The following NTRK3 variants were observed in gnomAD, a reference collection of about 807,000 sequenced individuals.
NTRK3 encodes neurotrophic receptor tyrosine kinase 3.
In NTRK3, 24 loss-of-function variants were observed where a neutral mutation model predicts 91.7. That is an observed-to-expected ratio of 0.26 (90% CI 0.19 to 0.37). The LOEUF (loss-of-function observed/expected upper bound fraction) is 0.37. NTRK3 is among the 10% of genes least tolerant of loss of function. The pLI, the probability that NTRK3 is intolerant of heterozygous loss-of-function variation, is 1.00. For missense variants in NTRK3, 880 were observed against 1,068.9 expected, an observed-to-expected ratio of 0.82 and a Z score of 2.46; for synonymous variants, 483 against 404.0, an observed-to-expected ratio of 1.20 and a Z score of -2.34.
intron 18 of NTRK3, 109 bp from the exon 20 acceptor site, chr15:87,877,229 C>A (rs369207940): frequency 1.7e-6 from 2 of 1,158,722 alleles, no homozygotes; most frequent in East Asian, 2.5e-5. Flanking sequence ...TATGCAGAGC[C>A]GAGGCTCTCA....
intron 13 of NTRK3, among the ~76,000 whole-genome samples, chr15:88,101,854 CA>C (rs1255730073): frequency 1.3e-5 from 2 of 151,924 alleles, no homozygotes; most frequent in East Asian, 3.9e-4. Flanking sequence ...CATCACACAC[CA>C]GGGACTGTTG....
exon 10 of NTRK3, chr15:88,135,396 A>G (rs377521978): frequency 1.4e-5 from 22 of 1,613,228 alleles, no homozygotes; most frequent in African/African-American, 2.7e-5. Context: ...CACGTGGGGG[A>G]TCTGTCAAGG....
At chr15:88,010,965 G>A (rs2076837996) in intron 14 of NTRK3, among the ~76,000 whole-genome samples, 1 of 151,914 alleles carries the variant, frequency 6.6e-6, no homozygotes, top group Non-Finnish European at 1.5e-5. Context: ...TTCAGTTCAG[G>A]GTTTTGCCGT....
intron 13 of NTRK3, among the ~76,000 whole-genome samples, chr15:88,042,392 T>G (rs760306229): frequency 5.9e-5 from 9 of 152,206 alleles, no homozygotes; most frequent in Non-Finnish European, 1.3e-4. Context: ...CTTCTGTTCC[T>G]AGACTTGTTC....
intron 3 of NTRK3, among the ~76,000 whole-genome samples, chr15:88,217,088 G>C (rs1178434273): frequency 6.6e-6 from 1 of 152,096 alleles, no homozygotes; most frequent in African/African-American, 2.4e-5. Flanking sequence ...ATAACCACTA[G>C]GGTGGACACT....
At chr15:87,964,701 T>G (rs1273904400) in intron 14 of NTRK3, among the ~76,000 whole-genome samples, 5 of 152,182 alleles carry the variant, frequency 3.3e-5, no homozygotes, top group East Asian at 1.9e-4. Flanking sequence ...TCTCTCCGTA[T>G]TTGCCTCTTC....
At chr15:87,865,236 G>A (rs2064635828) in exon 19 of NTRK3, 1 of 206,588 alleles carries the variant, frequency 4.8e-6, no homozygotes, top group Non-Finnish European at 9.9e-6. Context: ...AGTGATTGTT[G>A]CTTGGAGATC....
exon 16 of NTRK3, chr15:87,933,031 C>T (rs2068945773): frequency 6.2e-7 from 1 of 1,613,992 alleles, no homozygotes; most frequent in Non-Finnish European, 8.5e-7. Context: ...TTATTCAGGT[C>T]TCCATGCTTC....
At chr15:88,248,177 G>A (rs988765701) in intron 3 of NTRK3, among the ~76,000 whole-genome samples, 1 of 152,190 alleles carries the variant, frequency 6.6e-6, no homozygotes, top group Non-Finnish European at 1.5e-5. Flanking sequence ...CACCTGTTCT[G>A]CTGCGGGCTG....
chr15:87,865,771 G>T, exon 19 of NTRK3: 2 of 227,206 alleles, frequency 8.8e-6, no homozygotes, highest in Non-Finnish European at 1.8e-5. Context: ...TTCCAAGCCT[G>T]AAAACAAACT....
At chr15:87,998,719 A>C (rs1051722735) in intron 14 of NTRK3, among the ~76,000 whole-genome samples, 1 of 152,184 alleles carries the variant, frequency 6.6e-6, no homozygotes. Context: ...CCATTATGCC[A>C]ACCAAGAGCA....
chr15:88,127,680 T>C (rs2053435345), intron 11 of NTRK3, among the ~76,000 whole-genome samples: 1 of 152,206 alleles, frequency 6.6e-6, no homozygotes, highest in Non-Finnish European at 1.5e-5. Flanking sequence ...GCCTTTCCTG[T>C]GCCCTCCCTC....
At chr15:88,223,371 C>T (rs4887390) in intron 3 of NTRK3, among the ~76,000 whole-genome samples, 117,273 of 152,220 alleles carry the variant, frequency 0.77, 47,462 homozygotes, top group East Asian at 0.96. Flanking sequence ...CCCTTCCTCC[C>T]CAGAGCCCCT....
At chr15:88,104,899 CA>C (rs2050540488) in intron 13 of NTRK3, among the ~76,000 whole-genome samples, 1 of 152,236 alleles carries the variant, frequency 6.6e-6, no homozygotes, top group East Asian at 1.9e-4. Context: ...GTTTAGAAGA[CA>C]GAGCACCCTT....
At chr15:88,081,726 G>T (rs1008852910) in intron 13 of NTRK3, among the ~76,000 whole-genome samples, 2 of 152,204 alleles carry the variant, frequency 1.3e-5, no homozygotes. Flanking sequence ...AAATGGGGCT[G>T]AAGTACCTGA....
intron 13 of NTRK3, among the ~76,000 whole-genome samples, chr15:88,119,073 G>A (rs976614804): frequency 6.6e-6 from 1 of 152,214 alleles, no homozygotes; most frequent in Non-Finnish European, 1.5e-5. Context: ...GAGAGTCGAT[G>A]CAAGGGAACA....
intron 14 of NTRK3, among the ~76,000 whole-genome samples, chr15:88,001,524 T>C (rs1352479066): frequency 6.6e-6 from 1 of 152,168 alleles, no homozygotes; most frequent in East Asian, 1.9e-4. Flanking sequence ...ATATGGTATG[T>C]GGTAGGGGTT....
At chr15:88,219,893 G>C (rs989890356) in intron 3 of NTRK3, among the ~76,000 whole-genome samples, 2 of 152,130 alleles carry the variant, frequency 1.3e-5, no homozygotes, top group African/African-American at 4.8e-5. Flanking sequence ...CTGCAAAATG[G>C]CTTGCCCAAG....
At position 87,925,441 on chromosome 15, in the gene NTRK3, G is replaced by GCACACACACACACACACA. The variant is rs61582719; in HGVS notation, c.2133+3732_2133+3749dup. ...ACTGGGCAGGCAAGCACACGTGTATGCACACACACACACACACACACACAC... is the reference window on the plus strand; with the variant it reads ...ACTGGGCAGGCAAGCACACGTGTATGCACACACACACACACACACACACACACACACACACACACACAC... On this transcript the variant is annotated intron_variant, in intron 17 of 18. Coordinates refer to ENST00000394480, the Ensembl canonical transcript of NTRK3. 1,481 of 181,006 alleles carry GCACACACACACACACACA rather than the reference G, an allele frequency of 8.2e-3. 12 individuals are homozygous for GCACACACACACACACACA. The highest frequency in any genetic ancestry group is 0.024 in the African/African-American group (993 of 41,304). 11.2% of individuals were successfully genotyped at this position (181,006 alleles called of 1,614,324 possible).
Sources: allele counts gnomAD v4.1 joint callset (sites outside exome capture counted in the v4.1 genomes callset), GRCh38; gene constraint gnomAD v4.1.1; transcripts MANE v1.5; gene names NCBI Gene and HGNC (gene_info 2026-07-23, HGNC 2026-07-21).